The following ABI2 variants were observed in gnomAD, a reference collection of about 807,000 sequenced individuals.
The protein encoded by ABI2 is abelson interactor 2.
ABI2 carries 25 observed loss-of-function variants against 59.2 expected under a neutral mutation model. The ratio of observed to expected loss-of-function variants is 0.42; its 90% CI spans 0.31 to 0.59. The LOEUF (loss-of-function observed/expected upper bound fraction) is 0.59. ABI2 is among the 20% of genes least tolerant of loss of function. ABI2 has a pLI of 0.14. For synonymous variants in ABI2, 213 were observed against 235.5 expected, an observed-to-expected ratio of 0.90 and a Z score of 0.87; for missense variants, 545 against 681.8, an observed-to-expected ratio of 0.80 and a Z score of 2.23.
chr2:203,333,714 T>C (rs1575546365), intron 1 of ABI2, among the ~76,000 whole-genome samples: 1 of 152,300 alleles, frequency 6.6e-6, no homozygotes, highest in East Asian at 1.9e-4. Flanking sequence ...AAAAACAGGC[T>C]AATTTATATT....
chr2:203,391,249 C>T (rs1477130258), intron 5 of ABI2, 106 bp downstream of exon 5: 9 of 766,154 alleles, frequency 1.2e-5, no homozygotes, highest in Non-Finnish European at 1.8e-5. Context: ...AGAACATTTT[C>T]TTTGTAGGAT....
chr2:203,333,772 A>G (rs915239160), intron 1 of ABI2, among the ~76,000 whole-genome samples: 2 of 152,020 alleles, frequency 1.3e-5, no homozygotes, highest in African/African-American at 2.4e-5. Flanking sequence ...CACTTCCTAC[A>G]CCTTCTTGTC....
At chr2:203,350,258 G>T (rs1050149299) in intron 1 of ABI2, among the ~76,000 whole-genome samples, 8 of 152,232 alleles carry the variant, frequency 5.3e-5, no homozygotes, top group Admixed American at 2.0e-4. Flanking sequence ...CGTATTTTTA[G>T]TAGAGACGAG....
rs144140292 is a variant in ABI2 at position 203,395,543 on chromosome 2, C to T, written c.726-113C>T. The T allele has an allele frequency of 1.8e-4, 216 of 1,169,470 alleles. 1 individual carries two copies. The East Asian group carries it at 5.4e-3, about 29-fold the overall frequency. 72.4% of individuals were successfully genotyped at this position (1,169,470 alleles called of 1,614,324 possible). On this transcript the variant is annotated intron_variant, in intron 6 of 11. Coordinates refer to ENST00000261018, the MANE Select transcript of ABI2 (RefSeq NM_001375670.1). ...AAGGAAATTTTATTTTGAAGTGGTACGCTTTTGAATTACCTTTATTGTAGC... is the reference window on the plus strand; with the variant it reads ...AAGGAAATTTTATTTTGAAGTGGTATGCTTTTGAATTACCTTTATTGTAGC...
chr2:203,331,348 C>CATTTTTTT (rs545473960), intron 1 of ABI2, among the ~76,000 whole-genome samples: 93 of 85,298 alleles, frequency 1.1e-3, no homozygotes, highest in Non-Finnish European at 1.7e-3. Context: ...TCAATTTAGC[C>CATTTTTTT]TTTTTTTTTT....
rs994760238 is a variant in ABI2, at chr2:203,431,985, T to C, written c.*4633T>C. ...GCTCCCAGAGGGAGAGTTGGTGGTA[T>C]TATGAGTTGAGTAAAAACCATCCAG... On this transcript the variant is annotated 3_prime_UTR_variant, in exon 12 of 12. Transcript: ENST00000261018. 4 of 152,160 alleles carry C rather than the reference T, an allele frequency of 2.6e-5. No individual in the cohort carries two copies. The highest frequency in any genetic ancestry group is 9.7e-5 in the African/African-American group (4 of 41,436). 9.4% of individuals were successfully genotyped at this position (152,160 alleles called of 1,614,324 possible). A position where few individuals can be genotyped will look rare whatever the true frequency, so the allele number is the denominator to read the frequency against.
At chr2:203,408,288 G>A (rs140507301) in intron 9 of ABI2, among the ~76,000 whole-genome samples, 1,642 of 151,526 alleles carry the variant, frequency 0.011, 14 homozygotes, top group Non-Finnish European at 0.014. Context: ...TCAGCCTCCC[G>A]AGTAGCTGGG....
intron 8 of ABI2, among the ~76,000 whole-genome samples, chr2:203,401,821 TG>T (rs1230082244): frequency 6.6e-6 from 1 of 152,208 alleles, no homozygotes; most frequent in Non-Finnish European, 1.5e-5. Context: ...CATACTTTTT[TG>T]CTACCTTACG....
chr2:203,351,702 AT>A (rs781542778), intron 1 of ABI2: 10 of 303,504 alleles, frequency 3.3e-5, no homozygotes, highest in South Asian at 2.6e-4. Flanking sequence ...TGCCCGGCTG[AT>A]TTTCGTATTT....
chr2:203,363,968 T>C (rs1159905258), intron 1 of ABI2, among the ~76,000 whole-genome samples: 1 of 152,044 alleles, frequency 6.6e-6, no homozygotes, highest in Non-Finnish European at 1.5e-5. Context: ...TTTACCATGT[T>C]GGTCAGGCTG....
At chr2:203,400,641 AC>A (rs1385213525) in intron 8 of ABI2, among the ~76,000 whole-genome samples, 5 of 152,204 alleles carry the variant, frequency 3.3e-5, no homozygotes, top group African/African-American at 1.2e-4. Flanking sequence ...AGTTTTTGAT[AC>A]ACATGTAAGA....
intron 2 of ABI2, among the ~76,000 whole-genome samples, chr2:203,375,596 T>C (rs1316441648): frequency 6.6e-6 from 1 of 152,244 alleles, no homozygotes; most frequent in African/African-American, 2.4e-5. Context: ...AGGAAAAATA[T>C]AGTAGCCATA....
intron 2 of ABI2, chr2:203,375,808 T>A: frequency 3.2e-6 from 1 of 310,680 alleles, no homozygotes; most frequent in Admixed American, 4.9e-5. Context: ...CCTTAGAATC[T>A]TCTGGACCAA....
At chr2:203,355,025 G>T (rs1267062594) in intron 1 of ABI2, 2 of 236,498 alleles carry the variant, frequency 8.5e-6, no homozygotes, top group Non-Finnish European at 9.3e-6. Context: ...AATCTGGATT[G>T]TCTGGATTGT....
At chr2:203,377,098 G>A (rs1417836323) in intron 2 of ABI2, among the ~76,000 whole-genome samples, 3 of 152,080 alleles carry the variant, frequency 2.0e-5, no homozygotes, top group Non-Finnish European at 4.4e-5. Flanking sequence ...CAGGAGCATT[G>A]TTTGAGGTCA....
At chr2:203,409,791 A>G (rs1388870047) in intron 9 of ABI2, among the ~76,000 whole-genome samples, 1 of 152,010 alleles carries the variant, frequency 6.6e-6, no homozygotes, top group Non-Finnish European at 1.5e-5. Context: ...CCTTGTTTTC[A>G]TATCACATTT....
chr2:203,394,155 G>GTAT (rs763197972), intron 5 of ABI2, among the ~76,000 whole-genome samples: 51 of 152,262 alleles, frequency 3.3e-4, no homozygotes, highest in Non-Finnish European at 4.4e-4. Flanking sequence ...ATTAAAGTGT[G>GTAT]TATTTTTGTA....
chr2:203,377,457 A>G (rs956736649), intron 2 of ABI2, among the ~76,000 whole-genome samples: 1 of 152,018 alleles, frequency 6.6e-6, no homozygotes, highest in Non-Finnish European at 1.5e-5. Flanking sequence ...GAATAAAAAC[A>G]ATGTCTTGAG....
intron 4 of ABI2, 133 bp downstream of exon 4, chr2:203,382,339 G>A: frequency 1.2e-6 from 1 of 810,354 alleles, no homozygotes; most frequent in Non-Finnish European, 1.9e-6. Flanking sequence ...TTTATTTTTT[G>A]TCATGCAACT....
Sources: allele counts gnomAD v4.1 joint callset (sites outside exome capture counted in the v4.1 genomes callset), GRCh38; gene constraint gnomAD v4.1.1; transcripts MANE v1.5; gene names NCBI Gene and HGNC (gene_info 2026-07-23, HGNC 2026-07-21).